The following GABRG2 variants were observed in gnomAD, a reference collection of about 807,000 sequenced individuals.
The protein encoded by GABRG2 is gamma-aminobutyric acid receptor subunit gamma-2.
GABRG2 carries 16 observed loss-of-function variants against 56.4 expected under a neutral mutation model. The ratio of observed to expected loss-of-function variants is 0.28; its 90% confidence interval spans 0.19 to 0.43. The LOEUF is 0.43. Among genes scored for constraint, GABRG2 ranks in the 20% least tolerant of loss-of-function variants. GABRG2 has a pLI of 1.00. For missense variants in GABRG2, 327 were observed against 582.7 expected (o/e 0.56, Z 4.52); for synonymous variants, 208 against 205.5 (o/e 1.01, Z -0.10).
At chr5:162,140,065 A>G (rs1401556499) in intron 6 of GABRG2, among the ~76,000 whole-genome samples, 1 of 152,228 alleles carries the variant, frequency 6.6e-6, no homozygotes. Context: ...ATGAAATGCT[A>G]TGGCTTTAAA....
intron 5 of GABRG2, 47 bp downstream of exon 5, chr5:162,101,364 T>C: frequency 8.2e-7 from 1 of 1,216,022 alleles, no homozygotes; most frequent in South Asian, 1.2e-5. Context: ...ACCTACAGTC[T>C]TTCTGATTGC....
chr5:162,068,699 T>C (rs1388303067), intron 1 of GABRG2, among the ~76,000 whole-genome samples: 1 of 152,128 alleles, frequency 6.6e-6, no homozygotes, highest in Non-Finnish European at 1.5e-5. Flanking sequence ...ACAGCAGTCC[T>C]GGTGAGGGCC....
chr5:162,104,310 T>G (rs1761645686), intron 6 of GABRG2, among the ~76,000 whole-genome samples: 1 of 152,256 alleles, frequency 6.6e-6, no homozygotes, highest in African/African-American at 2.4e-5. Context: ...AAATATTTAT[T>G]AGATGTACCT....
In GABRG2 at chr5:162,116,887, G is replaced by C. The variant is rs146323608; in HGVS notation, c.769+12861G>C. On this transcript the variant is annotated intron_variant, in intron 6 of 9. Coordinates refer to ENST00000639213, the MANE Select transcript of GABRG2 (RefSeq NM_198904.4). ...TTCCTAATCACGTGAATGGGGAATA[G>C]AGTCCCAGGCTTGTGATTTGCCAGT... 3.6e-3 allele frequency among the ~76,000 whole-genome samples: 542 copies of C among 151,890 alleles called. 5 individuals carry two copies. The highest frequency in any genetic ancestry group is 0.012 in the African/African-American group (493 of 41,254).
intron 7 of GABRG2, among the ~76,000 whole-genome samples, chr5:162,147,161 C>G (rs1301758597): frequency 2.6e-5 from 4 of 152,162 alleles, no homozygotes; most frequent in Non-Finnish European, 5.9e-5. Flanking sequence ...TCTTCCTCTT[C>G]TCTTGCCCTC....
chr5:162,097,950 A>AT (rs1761121954), intron 4 of GABRG2, 92 bp downstream of exon 4: 1 of 1,097,184 alleles, frequency 9.1e-7, no homozygotes, highest in Non-Finnish European at 1.4e-6. Context: ...AAAAAAAAAA[A>AT]GGAAATAAAT....
At chr5:162,102,684 C>G (rs1761520918) in intron 5 of GABRG2, 1 of 434,120 alleles carries the variant, frequency 2.3e-6, no homozygotes, top group African/African-American at 2.0e-5. Flanking sequence ...GCACGCACCA[C>G]CATACCCAGC....
At chr5:162,101,172 T>C (rs1396850985) in intron 4 of GABRG2, 63 bp from the exon 5 acceptor site, 2 of 1,093,736 alleles carry the variant, frequency 1.8e-6, no homozygotes, top group African/African-American at 3.1e-5. Context: ...TTTAAAATTG[T>C]GCAAATTTAC....
chr5:162,068,480 G>C (rs1273977130), intron 1 of GABRG2, among the ~76,000 whole-genome samples: 1 of 150,172 alleles, frequency 6.7e-6, no homozygotes, highest in Non-Finnish European at 1.5e-5. Flanking sequence ...GGGTCTGATG[G>C]AGAAATTTAC....
chr5:162,152,940 G>GTT (rs1765479189), intron 9 of GABRG2, 153 bp from the exon 10 acceptor site: 1 of 915,696 alleles, frequency 1.1e-6, no homozygotes, highest in African/African-American at 1.6e-5. Context: ...ATCTTTCTAA[G>GTT]TTCAATTTTA....
At chr5:162,131,747 G>A (rs1182231871) in intron 6 of GABRG2, among the ~76,000 whole-genome samples, 1 of 151,866 alleles carries the variant, frequency 6.6e-6, no homozygotes, top group Non-Finnish European at 1.5e-5. Context: ...CTGAATCCAC[G>A]TGCCATGATT....
intron 2 of GABRG2, chr5:162,094,258 A>G: frequency 2.3e-6 from 1 of 429,574 alleles, no homozygotes; most frequent in Admixed American, 3.8e-5. Context: ...GGAAAAAAAA[A>G]ACAATGACCC....
At chr5:162,070,198 T>A (rs1758560427) in intron 1 of GABRG2, among the ~76,000 whole-genome samples, 1 of 152,166 alleles carries the variant, frequency 6.6e-6, no homozygotes, top group Non-Finnish European at 1.5e-5. Context: ...ATGAGTTTTT[T>A]AAAAGAGCTC....
chr5:162,087,144 G>A (rs1760184517), intron 1 of GABRG2, among the ~76,000 whole-genome samples: 1 of 151,944 alleles, frequency 6.6e-6, no homozygotes, highest in South Asian at 2.1e-4. Context: ...ATAGAAAATG[G>A]ACTCTAATGA....
At chr5:162,148,173 T>C (rs570238283) in intron 7 of GABRG2, among the ~76,000 whole-genome samples, 1 of 152,340 alleles carries the variant, frequency 6.6e-6, no homozygotes, top group South Asian at 2.1e-4. Flanking sequence ...GGTGCTTTTG[T>C]ATAATTAGTA....
At chr5:162,079,747 A>C (rs909599274) in intron 1 of GABRG2, among the ~76,000 whole-genome samples, 1 of 151,972 alleles carries the variant, frequency 6.6e-6, no homozygotes, top group Non-Finnish European at 1.5e-5. Flanking sequence ...GTACCCAGAT[A>C]TATATCTTAT....
Position 162,151,773 on chromosome 5 carries a change from G to T in GABRG2, c.1152+20G>T. On this transcript the variant is annotated intron_variant, in intron 9 of 9. Transcript: ENST00000639213. The stretch of plus-strand genomic sequence containing the variant: ...TTCAAGGTATAATGTTTTTGGAATG[G>T]AAATTCACTGCATGCAACTGCTAAA... The T allele has an allele frequency of 6.2e-7, 1 of 1,604,558 alleles. No homozygotes were observed. Among genetic ancestry groups the T allele is most frequent in the Non-Finnish European group, 8.5e-7 (1 of 1,172,466 alleles).
At chr5:162,110,630 A>AAACAAC (rs200545264) in intron 6 of GABRG2, among the ~76,000 whole-genome samples, 8 of 151,508 alleles carry the variant, frequency 5.3e-5, no homozygotes, top group Non-Finnish European at 7.4e-5. Flanking sequence ...GTTGGAAGGG[A>AAACAAC]AACAACAACA....
chr5:162,127,996 G>A (rs1242825206), intron 6 of GABRG2, among the ~76,000 whole-genome samples: 1 of 151,960 alleles, frequency 6.6e-6, no homozygotes, highest in East Asian at 1.9e-4. Flanking sequence ...GGAAAGCAAG[G>A]CTTTGGTCAC....
Sources: allele counts gnomAD v4.1 joint callset (sites outside exome capture counted in the v4.1 genomes callset), GRCh38; gene constraint gnomAD v4.1.1; transcripts MANE v1.5; gene names NCBI Gene and HGNC (gene_info 2026-07-23, HGNC 2026-07-21).